Variants in FRAS1 observed in about 807,000 individuals in gnomAD.
FRAS1 encodes the protein extracellular matrix organizing protein FRAS1.
FRAS1 carries 290 observed loss-of-function variants against 435.2 expected under a neutral mutation model. That is an observed-to-expected ratio of 0.67 (90% confidence interval 0.61 to 0.73). The LOEUF (loss-of-function observed/expected upper bound fraction) is 0.73, where lower values mean the gene tolerates loss of function less well. Among genes scored for constraint, FRAS1 ranks in the 30% least tolerant of loss-of-function variants. The pLI, the probability that FRAS1 is intolerant of heterozygous loss-of-function variation, is 0.00. For missense variants in FRAS1, 4,860 were observed against 5,001.5 expected, an observed-to-expected ratio of 0.97 and a Z score of 0.85; for synonymous variants, 1,800 against 1,851.0, an observed-to-expected ratio of 0.97 and a Z score of 0.71.
intron 9 of FRAS1, among the ~76,000 whole-genome samples, chr4:78,272,921 G>T (rs1047176173): frequency 4.1e-4 from 63 of 152,272 alleles, no homozygotes; most frequent in Non-Finnish European, 7.1e-4. Flanking sequence ...CCATTTTCAT[G>T]ATGTTGATTC....
At chr4:78,425,794 T>C (rs1483485805) in intron 35 of FRAS1, among the ~76,000 whole-genome samples, 1 of 152,140 alleles carries the variant, frequency 6.6e-6, no homozygotes, top group African/African-American at 2.4e-5. Flanking sequence ...ATTTTAAGGA[T>C]GGATATTATT....
intron 2 of FRAS1, among the ~76,000 whole-genome samples, chr4:78,207,857 A>G (rs189674515): frequency 1.3e-5 from 2 of 152,196 alleles, no homozygotes; most frequent in Admixed American, 6.6e-5. Flanking sequence ...GAATGAAGAC[A>G]TGACTTCATG....
chr4:78,386,284 C>T (rs1316663840), intron 28 of FRAS1, among the ~76,000 whole-genome samples: 1 of 152,124 alleles, frequency 6.6e-6, no homozygotes, highest in Non-Finnish European at 1.5e-5. Flanking sequence ...TCTTGAGCCT[C>T]TCTGAAATTT....
At chr4:78,446,552 C>A in intron 42 of FRAS1, 175 bp from the exon 43 acceptor site, 1 of 1,370,296 alleles carries the variant, frequency 7.3e-7, no homozygotes, top group Non-Finnish European at 9.3e-7. Flanking sequence ...CATTTTGTTG[C>A]CTGGACTTGC....
In FRAS1 at chr4:78,249,210, C is replaced by A. The variant is rs1725415520; in HGVS notation, c.310-3182C>A. ...TCAAAAGACACAAAAATGGAGTAAACTTAGGTGACTTGTCTCCTGGAGAGA... is the reference window on the plus strand; with the variant it reads ...TCAAAAGACACAAAAATGGAGTAAAATTAGGTGACTTGTCTCCTGGAGAGA... On this transcript the variant is annotated intron_variant, in intron 4 of 73. Coordinates refer to ENST00000512123, the MANE Select transcript of FRAS1 (RefSeq NM_025074.7). Among the ~76,000 whole-genome samples the A allele has an allele frequency of 3.4e-5, 5 of 148,866 alleles. No homozygotes were observed. In the South Asian group the frequency reaches 1.1e-3, roughly 32 times the overall value.
intron 58 of FRAS1, among the ~76,000 whole-genome samples, chr4:78,488,670 G>A (rs1166906901): frequency 6.6e-6 from 1 of 152,188 alleles, no homozygotes; most frequent in Non-Finnish European, 1.5e-5. Flanking sequence ...TTCACTGGAT[G>A]CACACTTATA....
intron 52 of FRAS1, 89 bp downstream of exon 52, chr4:78,472,419 A>T: frequency 8.4e-7 from 1 of 1,196,988 alleles, no homozygotes; most frequent in Non-Finnish European, 1.1e-6. Context: ...AGCCACTTCC[A>T]GCTACTTATG....
intron 20 of FRAS1, among the ~76,000 whole-genome samples, chr4:78,344,289 G>A (rs1422075335): frequency 1.3e-5 from 2 of 152,046 alleles, no homozygotes; most frequent in African/African-American, 4.8e-5. Flanking sequence ...GAAAAGTGCT[G>A]TGCTAATTGC....
At chr4:78,203,595 T>C (rs1723134188) in intron 2 of FRAS1, among the ~76,000 whole-genome samples, 1 of 152,136 alleles carries the variant, frequency 6.6e-6, no homozygotes, top group Admixed American at 6.6e-5. Context: ...AGATGGAGTT[T>C]CGTTCTTTTT....
intron 9 of FRAS1, among the ~76,000 whole-genome samples, chr4:78,268,519 C>T (rs1052174189): frequency 1.8e-4 from 27 of 152,240 alleles, no homozygotes; most frequent in African/African-American, 5.5e-4. Context: ...TTGTCTCTGT[C>T]GGGCTGAGGC....
chr4:78,266,714 T>A, intron 7 of FRAS1, 120 bp from the exon 8 acceptor site: 1 of 718,322 alleles, frequency 1.4e-6, no homozygotes, highest in Non-Finnish European at 2.5e-6. Flanking sequence ...TTCTCAAGAG[T>A]ACATTCAATG....
intron 2 of FRAS1, among the ~76,000 whole-genome samples, chr4:78,184,360 C>T (rs114373632): frequency 0.013 from 1,977 of 152,268 alleles, 22 homozygotes; most frequent in Non-Finnish European, 0.019. Context: ...GAGCTGGGTT[C>T]TCATAAAATA....
chr4:78,124,354 G>T (rs1380632419), intron 2 of FRAS1, among the ~76,000 whole-genome samples: 1 of 152,186 alleles, frequency 6.6e-6, no homozygotes, highest in East Asian at 1.9e-4. Flanking sequence ...GCTTTTTGAT[G>T]TGCTGCTGGA....
intron 15 of FRAS1, among the ~76,000 whole-genome samples, chr4:78,313,795 T>G (rs1729129456): frequency 6.6e-6 from 1 of 152,230 alleles, no homozygotes; most frequent in East Asian, 1.9e-4. Context: ...CCTTTTCCCC[T>G]TTCAATTATT....
Position 78,483,799 on chromosome 4 carries a change from A to ATATATATATATATATATATAT in FRAS1, c.8752+1264_8752+1265insTATATATATATATATATATAT, listed in dbSNP as rs1560753038. 5.1e-3 allele frequency among the ~76,000 whole-genome samples: 343 copies of ATATATATATATATATATATAT among 67,160 alleles called. 33 individuals carry two copies. The highest frequency in any genetic ancestry group is 9.1e-3 in the South Asian group (12 of 1,322). 44.1% of individuals were successfully genotyped at this position (67,160 alleles called of 152,430 possible). ...CTCTCTCTCTATATATATATATATA[A>ATATATATATATATATATATAT]AATTATGTATGTGTGATACACACAC... On this transcript the variant is annotated intron_variant, in intron 58 of 73. Transcript: ENST00000512123.
At chr4:78,511,630 C>A in intron 64 of FRAS1, 124 bp downstream of exon 64, 1 of 801,584 alleles carries the variant, frequency 1.2e-6, no homozygotes, top group Non-Finnish European at 2.1e-6. Flanking sequence ...ATGAATGCAT[C>A]AGTAAAAGTT....
chr4:78,518,929 A>T (rs1019475177), intron 66 of FRAS1, among the ~76,000 whole-genome samples: 9 of 152,170 alleles, frequency 5.9e-5, no homozygotes, highest in African/African-American at 2.2e-4. Flanking sequence ...CCCACAGGTC[A>T]CTGGCAAATG....
intron 34 of FRAS1, among the ~76,000 whole-genome samples, chr4:78,422,653 G>A (rs1733835274): frequency 6.6e-6 from 1 of 152,182 alleles, no homozygotes; most frequent in African/African-American, 2.4e-5. Context: ...AGAGACAGAG[G>A]CCATACCTGA....
chr4:78,394,296 AT>A (rs1732566246), intron 29 of FRAS1, among the ~76,000 whole-genome samples: 1 of 151,940 alleles, frequency 6.6e-6, no homozygotes, highest in East Asian at 1.9e-4. Flanking sequence ...CAAGACCTAT[AT>A]CAAGGAGAAT....
Sources: gnomAD v4.1 joint callset for allele counts (sites outside exome capture counted in the v4.1 genomes callset) on GRCh38, gnomAD v4.1.1 for gene constraint, MANE v1.5 for transcripts, NCBI Gene and HGNC (gene_info 2026-07-23, HGNC 2026-07-21) for gene names.